The following C11orf58 variants were observed in gnomAD, a reference collection of about 807,000 sequenced individuals.
C11orf58 encodes the protein small acidic protein.
A neutral mutation model predicts 22.7 loss-of-function variants in C11orf58; 5 were observed. The ratio of observed to expected loss-of-function variants is 0.22; its 90% CI spans 0.12 to 0.46. C11orf58 has a LOEUF of 0.46. Ranked by LOEUF, C11orf58 falls within the 20% of genes least tolerant of loss-of-function variation. C11orf58 has a pLI of 0.99. For missense variants in C11orf58, 151 were observed against 223.3 expected (o/e 0.68, Z 2.06); for synonymous variants, 71 against 70.7 (o/e 1.00, Z -0.02).
Position 16,738,709 on chromosome 11 carries a change from A to G in C11orf58, c.-70A>G. On this transcript the variant is annotated 5_prime_UTR_variant, in exon 1 of 5. Coordinates refer to ENST00000228136, the MANE Select transcript of C11orf58 (RefSeq NM_014267.6). ...GCTGCTTGGGCCCTTGGCGGATTGT[A>G]AGCTGCTGGTTTTGCGGCTGGGAAG... is the stretch of plus-strand genomic sequence containing the variant. 6.5e-7 allele frequency: 1 copy of G among 1,550,218 alleles called. No individual in the cohort carries two copies. The highest frequency in any genetic ancestry group is 8.9e-7 in the Non-Finnish European group (1 of 1,123,452).
chr11:16,743,301 T>TC (rs1848462498), intron 1 of C11orf58, among the ~76,000 whole-genome samples: 1 of 152,200 alleles, frequency 6.6e-6, no homozygotes, highest in African/African-American at 2.4e-5. Context: ...CACTCACACC[T>TC]CCTTTTAGAA....
At position 16,755,235 on chromosome 11, in the gene C11orf58, G is replaced by C. The variant is rs1376263898; in HGVS notation, c.*131G>C. The C allele has an allele frequency of 5.4e-6, 6 of 1,114,744 alleles. No individual in the cohort carries two copies. The highest frequency in any genetic ancestry group is 7.6e-6 in the Non-Finnish European group (6 of 786,820). The allele number at this position is 1,114,744 out of a possible 1,614,324, so 69.1% of individuals were successfully genotyped here. ...GCCCTTTTAAATAATTACAAAGAGT[G>C]TTTGCTTTCAAATGCCATGGGTTAC... On this transcript the variant is annotated 3_prime_UTR_variant, in exon 5 of 5. Coordinates refer to ENST00000228136, the MANE Select transcript of C11orf58 (RefSeq NM_014267.6).
chr11:16,756,908 CA>C lies in C11orf58; in HGVS notation c.*1824del, dbSNP rs55803725. The C allele has an allele frequency of 0.27, 26,188 of 96,862 alleles. 2,640 individuals carry two copies. Among genetic ancestry groups the C allele is most frequent in the Admixed American group, 0.42 (3,756 of 8,890 alleles). 6.0% of individuals were successfully genotyped at this position (96,862 alleles called of 1,614,324 possible). ...GGGCAACAAGAGCAAAACTCCATCTCAAAAAAAAAAAAAAAAAAAATTTAGA... is the reference window on the plus strand; with the variant it reads ...GGGCAACAAGAGCAAAACTCCATCTCAAAAAAAAAAAAAAAAAAATTTAGA... On this transcript the variant is annotated 3_prime_UTR_variant, in exon 5 of 5. Coordinates refer to ENST00000228136, the MANE Select transcript of C11orf58 (RefSeq NM_014267.6).
chr11:16,746,086 C>T (rs1482591225), intron 2 of C11orf58, among the ~76,000 whole-genome samples: 1 of 152,162 alleles, frequency 6.6e-6, no homozygotes, highest in African/African-American at 2.4e-5. Context: ...AAGCCATGCA[C>T]ATAGTGCTGT....
At chr11:16,748,437 A>T (rs569382632) in intron 3 of C11orf58, 48 of 149,286 alleles carry the variant, frequency 3.2e-4, no homozygotes, top group African/African-American at 1.2e-3. Flanking sequence ...TCTTAAATTT[A>T]AAAAAAAAAA....
chr11:16,738,714 G>A lies in C11orf58; in HGVS notation c.-65G>A. ...TTGGGCCCTTGGCGGATTGTAAGCT[G>A]CTGGTTTTGCGGCTGGGAAGAGCGG... is the stretch of plus-strand genomic sequence containing the variant. On this transcript the variant is annotated 5_prime_UTR_variant, in exon 1 of 5. Coordinates refer to ENST00000228136, the MANE Select transcript of C11orf58 (RefSeq NM_014267.6). 6.4e-6 allele frequency: 10 copies of A among 1,568,854 alleles called. No homozygotes were observed. The highest frequency in any genetic ancestry group is 5.3e-6 in the Non-Finnish European group (6 of 1,140,324).
At chr11:16,747,119 T>A (rs1040505289) in intron 2 of C11orf58, 1 of 152,248 alleles carries the variant, frequency 6.6e-6, no homozygotes, top group Non-Finnish European at 1.5e-5. Flanking sequence ...ACTGTCATCA[T>A]CCTGGAATAA....
At chr11:16,743,629 T>A (rs1334458477) in intron 1 of C11orf58, among the ~76,000 whole-genome samples, 2 of 152,222 alleles carry the variant, frequency 1.3e-5, no homozygotes, top group African/African-American at 2.4e-5. Context: ...AATTGTGAAT[T>A]CCCATCGGTG....
intron 4 of C11orf58, among the ~76,000 whole-genome samples, 174 bp downstream of exon 4, chr11:16,753,068 T>C (rs1848546318): frequency 6.6e-6 from 1 of 152,176 alleles, no homozygotes. Flanking sequence ...TCAGGAGAGA[T>C]GTTTCTAAGG....
At chr11:16,743,457 T>C (rs1006239511) in intron 1 of C11orf58, among the ~76,000 whole-genome samples, 1 of 152,212 alleles carries the variant, frequency 6.6e-6, no homozygotes, top group African/African-American at 2.4e-5. Flanking sequence ...CTTCTAATAT[T>C]TCCTCATCCA....
rs1370630859 is a variant in C11orf58, at chr11:16,757,150, GA to G, written c.*2051del. On this transcript the variant is annotated 3_prime_UTR_variant, in exon 5 of 5. Coordinates refer to ENST00000228136, the MANE Select transcript of C11orf58 (RefSeq NM_014267.6). ...ATGACATTTAACAAATACTTGGTTT[GA>G]AAAAGTTTGGCTTTATTCAACAATT... 6.6e-6 allele frequency among the ~76,000 whole-genome samples: 1 copy of G among 151,908 alleles called. No individual in the cohort carries two copies. The highest frequency in any genetic ancestry group is 1.5e-5 in the Non-Finnish European group (1 of 67,976).
intron 1 of C11orf58, 45 bp from the exon 2 acceptor site, chr11:16,744,556 T>A (rs1447484798): frequency 1.3e-6 from 2 of 1,516,842 alleles, no homozygotes; most frequent in Admixed American, 3.4e-5. Flanking sequence ...TTCGTAATAC[T>A]TATTTTTATG....
At chr11:16,744,067 A>G (rs75299581) in intron 1 of C11orf58, among the ~76,000 whole-genome samples, 1 of 150,832 alleles carries the variant, frequency 6.6e-6, no homozygotes, top group Non-Finnish European at 1.5e-5. Context: ...AAAAAAAAAA[A>G]GGCAACTGAA....
At chr11:16,754,547 CTTTTTTTTTTTTTTTTTTT>C (rs573626223) in intron 4 of C11orf58, among the ~76,000 whole-genome samples, 53 of 31,494 alleles carry the variant, frequency 1.7e-3, no homozygotes, top group Admixed American at 6.6e-3. Context: ...CTCTCTCTCC[CTTTTTTTTTTTTTTTTTTT>C]TTTTTTTTTT....
intron 1 of C11orf58, among the ~76,000 whole-genome samples, chr11:16,739,863 G>C (rs16933380): frequency 0.011 from 1,736 of 152,142 alleles, 26 homozygotes; most frequent in African/African-American, 0.039. Context: ...GCATTTCAAC[G>C]CTCTTCATAA....
At chr11:16,753,281 T>C (rs1848548089) in intron 4 of C11orf58, among the ~76,000 whole-genome samples, 1 of 152,112 alleles carries the variant, frequency 6.6e-6, no homozygotes, top group Non-Finnish European at 1.5e-5. Flanking sequence ...GTAACCAGGC[T>C]GGCCTCAAAC....
At chr11:16,739,878 T>G (rs1848431777) in intron 1 of C11orf58, among the ~76,000 whole-genome samples, 1 of 152,220 alleles carries the variant, frequency 6.6e-6, no homozygotes, top group African/African-American at 2.4e-5. Flanking sequence ...TCATAAAATT[T>G]TAAAAGCCCA....
At position 16,749,726 on chromosome 11, in the gene C11orf58, T is replaced by A. The variant is rs117853582; in HGVS notation, c.208+1569T>A. 3 of 152,348 alleles carry A rather than the reference T, an allele frequency of 2.0e-5. No individual in the cohort carries two copies. The South Asian group carries it at 6.2e-4, about 32-fold the overall frequency. 9.4% of individuals were successfully genotyped at this position (152,348 alleles called of 1,614,324 possible). Reference sequence around the variant, plus strand: ...TATGAGAATCTAATGCCTGATGATCTGAATTGGAGCTGAGGTGGTAATGGG... The same window carrying A: ...TATGAGAATCTAATGCCTGATGATCAGAATTGGAGCTGAGGTGGTAATGGG... On this transcript the variant is annotated intron_variant, in intron 3 of 4. Coordinates refer to ENST00000228136, the MANE Select transcript of C11orf58 (RefSeq NM_014267.6).
chr11:16,738,712 C>A lies in C11orf58; in HGVS notation c.-67C>A. 1 of 1,559,736 alleles carries A rather than the reference C, an allele frequency of 6.4e-7. No individual in the cohort carries two copies. The highest frequency in any genetic ancestry group is 8.8e-7 in the Non-Finnish European group (1 of 1,132,062). ...GCTTGGGCCCTTGGCGGATTGTAAGCTGCTGGTTTTGCGGCTGGGAAGAGC... is the reference window on the plus strand; with the variant it reads ...GCTTGGGCCCTTGGCGGATTGTAAGATGCTGGTTTTGCGGCTGGGAAGAGC... On this transcript the variant is annotated 5_prime_UTR_variant, in exon 1 of 5. The change creates a new upstream start codon in the 5' untranslated region. Coordinates refer to ENST00000228136, the MANE Select transcript of C11orf58 (RefSeq NM_014267.6).
Sources: gnomAD v4.1 joint callset for allele counts (sites outside exome capture counted in the v4.1 genomes callset) on GRCh38, gnomAD v4.1.1 for gene constraint, MANE v1.5 for transcripts, NCBI Gene and HGNC (gene_info 2026-07-23, HGNC 2026-07-21) for gene names.